The following EAF2 variants were observed in gnomAD, a reference collection of about 807,000 sequenced individuals.
The protein encoded by EAF2 is ELL-associated factor 2.
A neutral mutation model predicts 29.4 loss-of-function variants in EAF2; 29 were observed. The observed-to-expected ratio is 0.99, with a 90% CI of 0.73 to 1.35. The LOEUF (loss-of-function observed/expected upper bound fraction) is 1.35, where lower values mean the gene tolerates loss of function less well. Among genes scored for constraint, EAF2 ranks in the 40% most tolerant of loss-of-function variants. The pLI, the probability that EAF2 is intolerant of heterozygous loss-of-function variation, is 0.00. For synonymous variants in EAF2, 103 were observed against 102.5 expected, an observed-to-expected ratio of 1.00 and a Z score of -0.03; for missense variants, 292 against 312.0, an observed-to-expected ratio of 0.94 and a Z score of 0.48.
chr3:121,842,560 T>C (rs896446063), intron 1 of EAF2, among the ~76,000 whole-genome samples: 2 of 152,228 alleles, frequency 1.3e-5, no homozygotes, highest in Non-Finnish European at 2.9e-5. Flanking sequence ...GGGTATTCAC[T>C]ACTTTTCAGG....
At chr3:121,848,271 G>A (rs1398216705) in intron 2 of EAF2, among the ~76,000 whole-genome samples, 2 of 152,140 alleles carry the variant, frequency 1.3e-5, no homozygotes, top group Non-Finnish European at 2.9e-5. Context: ...AGAGATGTAT[G>A]CAGATGTGTC....
At chr3:121,857,509 A>G (rs1281335682) in intron 4 of EAF2, among the ~76,000 whole-genome samples, 2 of 152,038 alleles carry the variant, frequency 1.3e-5, no homozygotes, top group East Asian at 3.8e-4. Flanking sequence ...AAAAAGAAAA[A>G]AAAATGCTAA....
intron 1 of EAF2, 75 bp from the exon 2 acceptor site, chr3:121,844,377 TC>T: frequency 1.1e-6 from 1 of 904,526 alleles, no homozygotes; most frequent in South Asian, 1.5e-5. Flanking sequence ...GATTTATCAT[TC>T]TGAAACATGC....
At chr3:121,878,495 G>C (rs1709139683) in intron 5 of EAF2, among the ~76,000 whole-genome samples, 1 of 151,966 alleles carries the variant, frequency 6.6e-6, no homozygotes, top group Non-Finnish European at 1.5e-5. Context: ...TTGAACACTA[G>C]AACTTATTAA....
intron 5 of EAF2, among the ~76,000 whole-genome samples, chr3:121,882,445 G>T (rs2107550687): frequency 6.6e-6 from 1 of 151,552 alleles, no homozygotes; most frequent in South Asian, 2.1e-4. Context: ...CCAAAAAACA[G>T]AACTCCTACA....
intron 5 of EAF2, among the ~76,000 whole-genome samples, chr3:121,880,455 G>GGTGT (rs58834177): frequency 1.5e-3 from 214 of 143,062 alleles, no homozygotes; most frequent in African/African-American, 4.1e-3. Context: ...AGTGTTTTGG[G>GGTGT]GTGTGTGTGT....
intron 4 of EAF2, among the ~76,000 whole-genome samples, 180 bp from the exon 5 acceptor site, chr3:121,872,357 T>C (rs1021291816): frequency 6.6e-6 from 1 of 151,990 alleles, no homozygotes; most frequent in African/African-American, 2.4e-5. Context: ...TGTAATCCAA[T>C]CATTGAAGTA....
intron 1 of EAF2, among the ~76,000 whole-genome samples, chr3:121,842,569 G>A (rs2107499010): frequency 6.6e-6 from 1 of 152,208 alleles, no homozygotes; most frequent in South Asian, 2.1e-4. Context: ...CTACTTTTCA[G>A]GATTGGTGTG....
intron 5 of EAF2, among the ~76,000 whole-genome samples, chr3:121,875,550 C>A (rs1433604872): frequency 6.6e-6 from 1 of 151,874 alleles, no homozygotes; most frequent in Non-Finnish European, 1.5e-5. Flanking sequence ...AAACTTAATT[C>A]TAAAACAGAA....
chr3:121,848,189 C>T (rs1002233945), intron 2 of EAF2, among the ~76,000 whole-genome samples: 2 of 152,022 alleles, frequency 1.3e-5, no homozygotes, highest in Non-Finnish European at 2.9e-5. Context: ...ATTGTTAAGC[C>T]GCCTCTGAGC....
rs188082174 is a variant in EAF2 at position 121,856,929 on chromosome 3, G to A, written c.339-82G>A. 1.0e-4 allele frequency: 116 copies of A among 1,150,152 alleles called. No individual in the cohort carries two copies. The African/African-American group carries it at 1.3e-3, about 13-fold the overall frequency. The allele number at this position is 1,150,152 out of a possible 1,614,324, so 71.2% of individuals were successfully genotyped here. A position where few individuals can be genotyped will look rare whatever the true frequency, so the allele number is the denominator to read the frequency against. ...AAGATGTTTAGGAAAAGAATAAGTG[G>A]TCAGTTTTAGTAACTTTGTAAGTTA... On this transcript the variant is annotated intron_variant, in intron 3 of 5. Coordinates refer to ENST00000273668, the MANE Select transcript of EAF2 (RefSeq NM_018456.6).
intron 5 of EAF2, among the ~76,000 whole-genome samples, chr3:121,879,291 T>C (rs939496196): frequency 9.2e-5 from 14 of 152,208 alleles, no homozygotes; most frequent in African/African-American, 3.4e-4. Context: ...TTTAATCCCT[T>C]GTTGGATGGA....
chr3:121,854,887 AATTT>A (rs1708693126), intron 3 of EAF2, 64 bp downstream of exon 3: 1 of 1,377,358 alleles, frequency 7.3e-7, no homozygotes, highest in South Asian at 1.5e-5. Flanking sequence ...GTCAATAAAA[AATTT>A]ATTAAGTCAC....
chr3:121,872,289 C>T (rs1013539829), intron 4 of EAF2, among the ~76,000 whole-genome samples: 2 of 151,914 alleles, frequency 1.3e-5, no homozygotes, highest in East Asian at 3.9e-4. Flanking sequence ...TACTTAAGTA[C>T]AATGGTTTAA....
At chr3:121,877,226 T>C (rs186190402) in intron 5 of EAF2, among the ~76,000 whole-genome samples, 17 of 152,176 alleles carry the variant, frequency 1.1e-4, no homozygotes, top group Admixed American at 9.8e-4. Context: ...TGCGTGTGTG[T>C]GTGTGTATGT....
At chr3:121,866,395 T>C (rs977430647) in intron 4 of EAF2, among the ~76,000 whole-genome samples, 1 of 152,160 alleles carries the variant, frequency 6.6e-6, no homozygotes, top group Non-Finnish European at 1.5e-5. Context: ...AGATCTCCCC[T>C]AGCATAAAAA....
At chr3:121,871,039 G>A (rs1709002619) in intron 4 of EAF2, among the ~76,000 whole-genome samples, 1 of 151,884 alleles carries the variant, frequency 6.6e-6, no homozygotes, top group Non-Finnish European at 1.5e-5. Flanking sequence ...TTCTACCTAA[G>A]AGAAATGTGT....
chr3:121,883,645 T>G (rs1339748199), intron 5 of EAF2, among the ~76,000 whole-genome samples: 1 of 152,184 alleles, frequency 6.6e-6, no homozygotes, highest in African/African-American at 2.4e-5. Context: ...TAAACTCCCC[T>G]CCCACTAAAT....
chr3:121,859,031 A>G (rs575724408), intron 4 of EAF2, among the ~76,000 whole-genome samples: 3 of 151,996 alleles, frequency 2.0e-5, no homozygotes, highest in Non-Finnish European at 4.4e-5. Flanking sequence ...TGGTCTATAT[A>G]TGTGTTTTGG....
Sources: allele counts gnomAD v4.1 joint callset (sites outside exome capture counted in the v4.1 genomes callset), GRCh38; gene constraint gnomAD v4.1.1; transcripts MANE v1.5; gene names NCBI Gene and HGNC (gene_info 2026-07-23, HGNC 2026-07-21).